Variants in CTDP1 observed in about 807,000 individuals in gnomAD.
CTDP1 encodes RNA polymerase II subunit A C-terminal domain phosphatase.
Under a neutral mutation model 91.8 loss-of-function variants are expected in CTDP1, and 47 were observed. That is an observed-to-expected ratio of 0.51 (90% CI 0.41 to 0.65). CTDP1 has a LOEUF of 0.65. CTDP1 is among the 30% of genes least tolerant of loss of function. The pLI is 0.00. For synonymous variants in CTDP1, 656 were observed against 598.5 expected (o/e 1.10, Z -1.40); for missense variants, 1,272 against 1,373.7 (o/e 0.93, Z 1.17).
At chr18:79,707,525 G>C (rs1377677663) in intron 5 of CTDP1, among the ~76,000 whole-genome samples, 1 of 152,242 alleles carries the variant, frequency 6.6e-6, no homozygotes, top group Non-Finnish European at 1.5e-5. Flanking sequence ...TGCCTTCTCC[G>C]TTTCAAGCTC....
intron 11 of CTDP1, chr18:79,736,088 G>A (rs1271811957): frequency 3.7e-6 from 2 of 547,792 alleles, no homozygotes; most frequent in Non-Finnish European, 6.6e-6. Flanking sequence ...TAAAGTCCCT[G>A]TTCACATAAG....
rs2086167947 is a variant in CTDP1, at chr18:79,714,870, C to T, written c.1410C>T (p.Ser470=). 3.2e-6 allele frequency: 5 copies of T among 1,582,494 alleles called. No individual in the cohort carries two copies. The South Asian group carries it at 4.6e-5, about 15-fold the overall frequency. The change falls in exon 8 of 13, where the codon TCC becomes TCT. Residue 470 remains serine, a synonymous_variant. Coordinates refer to ENST00000613122, the MANE Select transcript of CTDP1 (RefSeq NM_004715.5). ...SSSESEGTKS[S]SSASDGESEG... ...GTGAGTCCGAGGGCACGAAGTCCTC[C>T]TCCTCCGCCTCTGATGGCGAAAGCG...
In CTDP1 at chr18:79,715,545, T is replaced by C. The variant is rs1379558078; in HGVS notation, c.2068+17T>C. 1 of 1,540,258 alleles carries C rather than the reference T, an allele frequency of 6.5e-7. No homozygotes were observed. The highest frequency in any genetic ancestry group is 8.7e-7 in the Non-Finnish European group (1 of 1,146,974). On this transcript the variant is annotated intron_variant, in intron 8 of 12. Coordinates refer to ENST00000613122, the MANE Select transcript of CTDP1 (RefSeq NM_004715.5). ...CGCGAGCTGGTGAGTGCTGCCTCCC[T>C]GTGCCCTGGGCATGGTCAGGCCCGC...
chr18:79,701,124 G>A (rs571203647), intron 4 of CTDP1, among the ~76,000 whole-genome samples: 2 of 152,334 alleles, frequency 1.3e-5, no homozygotes, highest in East Asian at 3.9e-4. Flanking sequence ...ACGTACAGGA[G>A]AGGAATGTTG....
chr18:79,703,833 T>C (rs2085908046), intron 4 of CTDP1, among the ~76,000 whole-genome samples: 1 of 152,040 alleles, frequency 6.6e-6, no homozygotes. Flanking sequence ...TCGGTGGTTA[T>C]GTAGTTATCA....
intron 4 of CTDP1, among the ~76,000 whole-genome samples, chr18:79,699,552 C>T (rs796481468): frequency 1.4e-4 from 22 of 151,800 alleles, no homozygotes; most frequent in African/African-American, 5.1e-4. Flanking sequence ...CATGAGCCAC[C>T]GCGCCCGCCC....
At chr18:79,734,221 C>T (rs1599295889) in intron 11 of CTDP1, among the ~76,000 whole-genome samples, 2 of 152,324 alleles carry the variant, frequency 1.3e-5, no homozygotes, top group Admixed American at 6.5e-5. Flanking sequence ...TGTGCTGACA[C>T]GTTTTCAGCC....
rs1229023685 is a variant in CTDP1, at chr18:79,713,991, ACGG to A, written c.1031-499_1031-497del. On this transcript the variant is annotated intron_variant, in intron 7 of 12. Transcript: ENST00000613122. This position sits in a 1 kb window ranked among gnomAD's most constrained non-coding sequence, Gnocchi z 4.7. ...GCCAGGTCTGCAGGGGCTTACGGCC[ACGG>A]TGGTGCCAGGTCTGCAGGGGCTTAC... Among the ~76,000 whole-genome samples the A allele has an allele frequency of 4.3e-4, 45 of 105,438 alleles. No individual in the cohort carries two copies. The highest frequency in any genetic ancestry group is 1.1e-3 in the African/African-American group (33 of 30,594). 69.2% of individuals were successfully genotyped at this position (105,438 alleles called of 152,430 possible). A position where few individuals can be genotyped will look rare whatever the true frequency, so the allele number is the denominator to read the frequency against.
At chr18:79,695,633 G>A (rs1452200896) in intron 2 of CTDP1, among the ~76,000 whole-genome samples, 1 of 152,252 alleles carries the variant, frequency 6.6e-6, no homozygotes, top group African/African-American at 2.4e-5. Flanking sequence ...AGCGCCCCAT[G>A]CTGGGGGCTG....
At chr18:79,683,385 A>G (rs1055797664) in intron 1 of CTDP1, among the ~76,000 whole-genome samples, 3 of 152,228 alleles carry the variant, frequency 2.0e-5, no homozygotes, top group Non-Finnish European at 4.4e-5. Flanking sequence ...ATAGACAAGC[A>G]TGGGCAGAAT....
chr18:79,717,710 A>G (rs1170023363), intron 9 of CTDP1, 34 bp downstream of exon 9: 1 of 1,613,820 alleles, frequency 6.2e-7, no homozygotes, highest in Non-Finnish European at 8.5e-7. Context: ...GGTCCGTGCC[A>G]GGCGTTCCCT....
chr18:79,736,401 AGAG>A lies in CTDP1; in HGVS notation c.2632_2634del (p.Arg878del), dbSNP rs993624636. The A allele has an allele frequency of 1.3e-6, 2 of 1,549,394 alleles. No individual in the cohort carries two copies. The highest frequency in any genetic ancestry group is 2.7e-5 in the African/African-American group (2 of 73,004). Reference sequence around the variant, plus strand: ...GGCAGCGACGACAGCGACAGCGAGAAGAGGAGGCCTGAGGAGCAGGAGGAGGAG... The same window carrying A: ...GGCAGCGACGACAGCGACAGCGAGAAGAGGCCTGAGGAGCAGGAGGAGGAG... On this transcript the variant is annotated inframe_deletion, in exon 12 of 13. Coordinates refer to ENST00000613122, the MANE Select transcript of CTDP1 (RefSeq NM_004715.5).
intron 12 of CTDP1, among the ~76,000 whole-genome samples, chr18:79,739,755 G>A (rs996696183): frequency 6.6e-5 from 10 of 152,184 alleles, no homozygotes; most frequent in Admixed American, 1.3e-4. Context: ...GTTCTGCTGC[G>A]CAGCCTTCAT....
intron 5 of CTDP1, among the ~76,000 whole-genome samples, chr18:79,709,045 A>T (rs2086026649): frequency 6.6e-6 from 1 of 152,252 alleles, no homozygotes; most frequent in Non-Finnish European, 1.5e-5. Context: ...TGAGTAGCTG[A>T]AACATTTCTT....
chr18:79,733,628 C>T (rs997279856), intron 11 of CTDP1, among the ~76,000 whole-genome samples: 1 of 151,958 alleles, frequency 6.6e-6, no homozygotes, highest in Non-Finnish European at 1.5e-5. Context: ...CCAAAGCTGG[C>T]GTCCGCTGCC....
chr18:79,728,430 G>C (rs900213579), intron 10 of CTDP1, among the ~76,000 whole-genome samples: 3 of 152,194 alleles, frequency 2.0e-5, no homozygotes, highest in African/African-American at 7.2e-5. Context: ...GCCCACTGAC[G>C]TCTGTTTTGT....
intron 12 of CTDP1, among the ~76,000 whole-genome samples, chr18:79,738,283 C>T (rs548749483): frequency 1.8e-4 from 28 of 152,216 alleles, no homozygotes; most frequent in Non-Finnish European, 3.2e-4. Context: ...TTGTCTTGCC[C>T]GCCTGTTAGA....
At chr18:79,721,647 G>A (rs2086347135) in intron 10 of CTDP1, among the ~76,000 whole-genome samples, 1 of 152,106 alleles carries the variant, frequency 6.6e-6, no homozygotes, top group African/African-American at 2.4e-5. Flanking sequence ...CAGTGCTTTG[G>A]GAGGTGGACC....
upstream of CTDP1, chr18:79,679,087 T>C (rs1297819186): frequency 1.4e-5 from 4 of 289,402 alleles, no homozygotes; most frequent in South Asian, 2.7e-5. Context: ...CTGGGGCCAC[T>C]GAGACCACGC....
Sources: gnomAD v4.1 joint callset for allele counts (sites outside exome capture counted in the v4.1 genomes callset) on GRCh38, gnomAD v4.1.1 for gene constraint, Gnocchi (gnomAD v3.1) non-coding constraint, MANE v1.5 for transcripts, NCBI Gene and HGNC (gene_info 2026-07-23, HGNC 2026-07-21) for gene names.